The following GRID2 variants were observed in gnomAD, a reference collection of about 807,000 sequenced individuals.
GRID2 encodes glutamate receptor ionotropic, delta-2.
A neutral mutation model predicts 114.8 loss-of-function variants in GRID2; 33 were observed. The ratio of observed to expected loss-of-function variants is 0.29; its 90% CI spans 0.22 to 0.38. GRID2 has a LOEUF of 0.38. Ranked by LOEUF, GRID2 falls within the 10% of genes least tolerant of loss-of-function variation. GRID2 has a pLI of 1.00. For missense variants in GRID2, 1,184 were observed against 1,257.7 expected, an observed-to-expected ratio of 0.94 and a Z score of 0.89; for synonymous variants, 505 against 449.9, an observed-to-expected ratio of 1.12 and a Z score of -1.55.
chr4:93,090,293 C>T (rs564965890), intron 3 of GRID2, among the ~76,000 whole-genome samples: 2 of 152,294 alleles, frequency 1.3e-5, no homozygotes, highest in Admixed American at 6.5e-5. Flanking sequence ...CTATGAACCA[C>T]TGAAGTTTAC....
chr4:93,712,520 A>G (rs1267956012), intron 14 of GRID2, among the ~76,000 whole-genome samples: 1 of 152,148 alleles, frequency 6.6e-6, no homozygotes, highest in Non-Finnish European at 1.5e-5. Context: ...ATAATTTTAA[A>G]TAATTGATTA....
chr4:93,239,067 CA>C (rs1490521085), intron 8 of GRID2, among the ~76,000 whole-genome samples: 1 of 149,876 alleles, frequency 6.7e-6, no homozygotes, highest in Non-Finnish European at 1.5e-5. Flanking sequence ...AGGAGAAATA[CA>C]AACGCCCTTA....
chr4:93,775,875 A>G (rs1455273992), downstream of GRID2, among the ~76,000 whole-genome samples: 1 of 152,168 alleles, frequency 6.6e-6, no homozygotes, highest in Non-Finnish European at 1.5e-5. Flanking sequence ...TTAGTTTGGG[A>G]TTGGCTATCA....
chr4:93,566,398 A>G (rs939326697), intron 13 of GRID2, among the ~76,000 whole-genome samples: 9 of 152,096 alleles, frequency 5.9e-5, no homozygotes, highest in African/African-American at 2.2e-4. Context: ...AGATGAGGGG[A>G]TTTTTGAAGG....
intron 1 of GRID2, among the ~76,000 whole-genome samples, chr4:92,430,846 T>C (rs956690456): frequency 5.9e-5 from 9 of 152,180 alleles, no homozygotes; most frequent in Non-Finnish European, 1.3e-4. Flanking sequence ...TTCTCTGTTA[T>C]TTTATTTTAT....
intron 2 of GRID2, among the ~76,000 whole-genome samples, chr4:93,023,166 A>G (rs1723556788): frequency 6.6e-6 from 1 of 150,380 alleles, no homozygotes. Context: ...TTGGGCATGT[A>G]TCTTTGGATA....
intron 8 of GRID2, among the ~76,000 whole-genome samples, chr4:93,246,586 CAAAAAA>C (rs34526471): frequency 9.8e-6 from 1 of 102,096 alleles, no homozygotes; most frequent in Non-Finnish European, 2.2e-5. Flanking sequence ...GACTCCTTCT[CAAAAAA>C]AAAAAAAGAA....
At chr4:92,853,158 T>A (rs1278171872) in intron 2 of GRID2, among the ~76,000 whole-genome samples, 2 of 151,904 alleles carry the variant, frequency 1.3e-5, no homozygotes, top group African/African-American at 4.8e-5. Flanking sequence ...TTGTTTCAGC[T>A]CACTAACCTT....
chr4:92,715,451 CTT>C (rs1489858493), intron 2 of GRID2, among the ~76,000 whole-genome samples: 1 of 152,118 alleles, frequency 6.6e-6, no homozygotes, highest in Non-Finnish European at 1.5e-5. Flanking sequence ...TTTCAGGTGT[CTT>C]TTCAGCAGCA....
intron 8 of GRID2, among the ~76,000 whole-genome samples, chr4:93,316,732 G>C (rs1756699087): frequency 2.0e-5 from 3 of 152,156 alleles, no homozygotes; most frequent in Admixed American, 2.0e-4. Flanking sequence ...TTACTTGGCT[G>C]TATTTCAGAT....
intron 1 of GRID2, among the ~76,000 whole-genome samples, chr4:93,783,122 G>A (rs1164439033): frequency 6.6e-6 from 1 of 152,190 alleles, no homozygotes; most frequent in Non-Finnish European, 1.5e-5. Context: ...ATCTGAACAA[G>A]CAAGTCGCTA....
intron 14 of GRID2, among the ~76,000 whole-genome samples, chr4:93,753,633 G>A (rs1386006021): frequency 2.0e-5 from 3 of 152,228 alleles, no homozygotes; most frequent in South Asian, 2.1e-4. Flanking sequence ...TCAGAATGAC[G>A]GTTTCCAGCT....
chr4:93,207,422 G>A lies in GRID2; in HGVS notation c.754G>A (p.Val252Ile), dbSNP rs750666376. 1.2e-5 allele frequency: 19 copies of A among 1,603,224 alleles called. No homozygotes were observed. Among genetic ancestry groups the A allele is most frequent in the Non-Finnish European group, 1.4e-5 (16 of 1,170,880 alleles). Reference protein sequence around the residue: ...FITEVVETNLVAFDCHWIIIN... With the variant: ...FITEVVETNLIAFDCHWIIIN... ...ATTCTAGGTTGTGGAGACTAATTTG[G>A]TTGCTTTTGACTGTCACTGGATCAT... The change falls in exon 5 of 16, where the codon GTT becomes ATT. Residue 252 changes from valine to isoleucine, a missense_variant. Coordinates refer to ENST00000282020, the MANE Select transcript of GRID2 (RefSeq NM_001510.4).
intron 8 of GRID2, among the ~76,000 whole-genome samples, chr4:93,340,534 G>A (rs762535589): frequency 2.6e-5 from 4 of 152,016 alleles, no homozygotes; most frequent in Non-Finnish European, 5.9e-5. Flanking sequence ...TTTTGTGTAA[G>A]TGTATTCTGG....
intron 2 of GRID2, among the ~76,000 whole-genome samples, chr4:92,608,657 CTGAG>C (rs1164550183): frequency 6.6e-6 from 1 of 151,762 alleles, no homozygotes; most frequent in Non-Finnish European, 1.5e-5. Context: ...GGTTTCCTAA[CTGAG>C]TTAGACAGAA....
intron 4 of GRID2, among the ~76,000 whole-genome samples, chr4:93,116,173 A>G (rs1017544259): frequency 2.0e-5 from 3 of 152,156 alleles, no homozygotes; most frequent in African/African-American, 7.2e-5. Context: ...CATACCAACT[A>G]CTGTTGACAG....
At chr4:93,378,376 A>G (rs926055131) in intron 8 of GRID2, among the ~76,000 whole-genome samples, 2 of 152,144 alleles carry the variant, frequency 1.3e-5, no homozygotes, top group African/African-American at 4.8e-5. Context: ...CTGGGAAATC[A>G]ACCTTGTTAA....
intron 13 of GRID2, among the ~76,000 whole-genome samples, chr4:93,543,786 T>G (rs779887947): frequency 6.6e-6 from 1 of 151,742 alleles, no homozygotes; most frequent in Non-Finnish European, 1.5e-5. Context: ...CAGAAACTTA[T>G]GGCAGCACAG....
At chr4:93,383,983 G>GT in intron 8 of GRID2, among the ~76,000 whole-genome samples, 1 of 152,104 alleles carries the variant, frequency 6.6e-6, no homozygotes, top group East Asian at 1.9e-4. Flanking sequence ...AAATACCTTA[G>GT]TTTGGGTAAT....
Sources: gnomAD v4.1 joint callset for allele counts (sites outside exome capture counted in the v4.1 genomes callset) on GRCh38, gnomAD v4.1.1 for gene constraint, MANE v1.5 for transcripts, NCBI Gene and HGNC (gene_info 2026-07-23, HGNC 2026-07-21) for gene names.